Variants in MYOM2 observed in about 807,000 individuals in gnomAD.
The protein encoded by MYOM2 is myomesin 2.
A neutral mutation model predicts 187.6 loss-of-function variants in MYOM2; 254 were observed. The observed-to-expected ratio is 1.35, with a 90% CI of 1.22 to 1.50. The LOEUF (loss-of-function observed/expected upper bound fraction) is 1.50, where lower values mean the gene tolerates loss of function less well. Ranked by LOEUF, MYOM2 falls within the 40% of genes most tolerant of loss-of-function variation. The pLI, the probability that MYOM2 is intolerant of heterozygous loss-of-function variation, is 0.00. For synonymous variants in MYOM2, 981 were observed against 753.8 expected (o/e 1.30, Z -4.94); for missense variants, 2,796 against 1,924.0 (o/e 1.45, Z -8.48).
At chr8:2,106,674 C>G (rs923895457) in intron 23 of MYOM2, 77 bp downstream of exon 23, 1 of 1,067,182 alleles carries the variant, frequency 9.4e-7, no homozygotes, top group Non-Finnish European at 1.3e-6. Context: ...ATAGAAAAGA[C>G]TTACTTGCTT....
Position 2,145,128 on chromosome 8 carries a change from T to C in MYOM2, c.*147T>C. On this transcript the variant is annotated 3_prime_UTR_variant, in exon 37 of 37. Transcript: ENST00000262113. Reference sequence around the variant, plus strand: ...ACATTGTGCTTTTGATTTTTGCATTTGGTGATGAATATTTTATACCCGTCT... The same window carrying C: ...ACATTGTGCTTTTGATTTTTGCATTCGGTGATGAATATTTTATACCCGTCT... 2.4e-6 allele frequency: 2 copies of C among 842,426 alleles called. No individual in the cohort carries two copies. The highest frequency in any genetic ancestry group is 3.7e-6 in the Non-Finnish European group (2 of 545,916). The allele number at this position is 842,426 out of a possible 1,614,324, so 52.2% of individuals were successfully genotyped here.
intron 6 of MYOM2, among the ~76,000 whole-genome samples, chr8:2,068,328 G>C (rs751377850): frequency 2.0e-5 from 3 of 150,422 alleles, no homozygotes; most frequent in Non-Finnish European, 3.0e-5. Flanking sequence ...ACCAGGCGGA[G>C]AGCATCCCGG....
Position 2,117,815 on chromosome 8 carries a change from A to G in MYOM2, c.3386-70A>G, listed in dbSNP as rs12675623. 4.1e-3 allele frequency: 4,100 copies of G among 998,340 alleles called. 177 individuals carry two copies. In the East Asian group the frequency reaches 0.093, roughly 23 times the overall value. The allele number at this position is 998,340 out of a possible 1,614,324, so 61.8% of individuals were successfully genotyped here. On this transcript the variant is annotated intron_variant, in intron 27 of 36. Transcript: ENST00000262113. ...TGCATATATGTGTGGGTATATATAT[A>G]TAATAGCTATATATTTATTTGTTTA...
chr8:2,058,789 G>C (rs571891702), intron 5 of MYOM2, among the ~76,000 whole-genome samples: 1 of 152,258 alleles, frequency 6.6e-6, no homozygotes, highest in South Asian at 2.1e-4. Flanking sequence ...CAGTGCGTTA[G>C]GTCCCGCAGA....
At chr8:2,106,134 A>G in intron 21 of MYOM2, 108 bp from the exon 22 acceptor site, 1 of 1,118,208 alleles carries the variant, frequency 8.9e-7, no homozygotes. Context: ...ACAATTTGAG[A>G]TGAGATTTGG....
chr8:2,052,471 C>A (rs902885511), intron 3 of MYOM2, among the ~76,000 whole-genome samples, 158 bp downstream of exon 3: 1 of 152,244 alleles, frequency 6.6e-6, no homozygotes, highest in Non-Finnish European at 1.5e-5. Context: ...GTTTCCCAAT[C>A]ACCTGCTTCT....
rs544704005 is a variant in MYOM2, at chr8:2,089,735, C to T, written c.1645-273C>T. On this transcript the variant is annotated intron_variant, in intron 14 of 36. Coordinates refer to ENST00000262113, the MANE Select transcript of MYOM2 (RefSeq NM_003970.4). Reference sequence around the variant, plus strand: ...AAAACTACTACCTATGTATTGATTCCCTTATGTTTTCTATGGTTTAATTAT... The same window carrying T: ...AAAACTACTACCTATGTATTGATTCTCTTATGTTTTCTATGGTTTAATTAT... Among the ~76,000 whole-genome samples the T allele has an allele frequency of 3.9e-4, 59 of 152,152 alleles. No individual in the cohort carries two copies. The Middle Eastern group carries it at 0.01, about 26-fold the overall frequency.
chr8:2,062,449 G>T (rs934154065), intron 6 of MYOM2, among the ~76,000 whole-genome samples: 1 of 152,162 alleles, frequency 6.6e-6, no homozygotes, highest in Non-Finnish European at 1.5e-5. Flanking sequence ...TGAGGGTAGA[G>T]CCAGCAGGAT....
At chr8:2,123,389 G>GACT (rs35094033) in intron 29 of MYOM2, 24 bp downstream of exon 29, 1 of 1,423,426 alleles carries the variant, frequency 7.0e-7, no homozygotes, top group Admixed American at 2.4e-5. Flanking sequence ...AGTAACACAA[G>GACT]AAAGCAAAAC....
intron 14 of MYOM2, among the ~76,000 whole-genome samples, chr8:2,087,075 T>C (rs970705097): frequency 1.3e-5 from 2 of 152,218 alleles, no homozygotes; most frequent in African/African-American, 4.8e-5. Context: ...TTTTACCCTG[T>C]CCGGTGACAT....
At chr8:2,121,839 C>T (rs867419147) in intron 28 of MYOM2, among the ~76,000 whole-genome samples, 11 of 152,180 alleles carry the variant, frequency 7.2e-5, no homozygotes, top group South Asian at 4.1e-4. Context: ...ATGGGCCATA[C>T]GTAGCCTAAG....
rs115800942 is a variant in MYOM2 at position 2,063,120 on chromosome 8, C to T, written c.653+3875C>T. Reference sequence around the variant, plus strand: ...CTTTTGTCTCAGTATTCTTGTTGGTCCTAGGAAGCTCCAAACAGATGAAAT... The same window carrying T: ...CTTTTGTCTCAGTATTCTTGTTGGTTCTAGGAAGCTCCAAACAGATGAAAT... On this transcript the variant is annotated intron_variant, in intron 6 of 36. Transcript: ENST00000262113. Among the ~76,000 whole-genome samples the T allele has an allele frequency of 4.6e-3, 706 of 152,260 alleles. 2 individuals carry two copies. The highest frequency in any genetic ancestry group is 0.016 in the African/African-American group (676 of 41,544).
chr8:2,090,154 G>T lies in MYOM2; in HGVS notation c.1791G>T (p.Ser597=). 1 of 1,613,976 alleles carries T rather than the reference G, an allele frequency of 6.2e-7. No individual in the cohort carries two copies. Among genetic ancestry groups the T allele is most frequent in the Non-Finnish European group, 8.5e-7 (1 of 1,179,960 alleles). Residue 597 remains serine, a synonymous_variant, in exon 15 of 37, where the codon TCG becomes TCT. Coordinates refer to ENST00000262113, the MANE Select transcript of MYOM2 (RefSeq NM_003970.4). The part of the protein sequence containing the change: ...SANRHGLSEP[S]EITSPIQAQD... ...ACCGGCATGGCCTGAGCGAACCTTC[G>T]GAGATAACGTCCCCCATTCAGGCCC...
chr8:2,102,515 C>G, intron 20 of MYOM2, 152 bp from the exon 21 acceptor site: 1 of 553,736 alleles, frequency 1.8e-6, no homozygotes, highest in Non-Finnish European at 3.2e-6. Flanking sequence ...TGAATCTCCT[C>G]TTCCCTCCTT....
intron 36 of MYOM2, among the ~76,000 whole-genome samples, chr8:2,144,176 C>CT (rs1421944675): frequency 6.6e-6 from 1 of 151,332 alleles, no homozygotes; most frequent in African/African-American, 2.5e-5. Context: ...AATCGTTTTA[C>CT]TTTATCCTAG....
chr8:2,049,235 G>C (rs1818406099), intron 1 of MYOM2, among the ~76,000 whole-genome samples: 1 of 152,196 alleles, frequency 6.6e-6, no homozygotes, highest in African/African-American at 2.4e-5. Context: ...TATTGAGAGA[G>C]TTAGTGTGGC....
intron 6 of MYOM2, among the ~76,000 whole-genome samples, chr8:2,059,824 C>T (rs967809654): frequency 6.7e-6 from 1 of 149,730 alleles, no homozygotes; most frequent in African/African-American, 2.5e-5. Flanking sequence ...CTCACCACAA[C>T]CTCCACTTCC....
chr8:2,091,876 C>T (rs1329512552), intron 15 of MYOM2, among the ~76,000 whole-genome samples: 2 of 152,220 alleles, frequency 1.3e-5, no homozygotes. Flanking sequence ...GTCCGCAGTC[C>T]ACTAGTGGGG....
intron 35 of MYOM2, among the ~76,000 whole-genome samples, chr8:2,143,095 G>C (rs1398251699): frequency 6.6e-6 from 1 of 151,876 alleles, no homozygotes; most frequent in Non-Finnish European, 1.5e-5. Flanking sequence ...GGACACACGC[G>C]GCTCTCCAGG....
Sources: gnomAD v4.1 joint callset for allele counts (sites outside exome capture counted in the v4.1 genomes callset) on GRCh38, gnomAD v4.1.1 for gene constraint, MANE v1.5 for transcripts, NCBI Gene and HGNC (gene_info 2026-07-23, HGNC 2026-07-21) for gene names.